Variants in CACNB4 observed in about 807,000 individuals in gnomAD.
The protein encoded by CACNB4 is calcium voltage-gated channel auxiliary subunit beta 4, also known as voltage-dependent L-type calcium channel subunit beta-4.
Under a neutral mutation model 71.2 loss-of-function variants are expected in CACNB4, and 32 were observed. The ratio of observed to expected loss-of-function variants is 0.45; its 90% CI spans 0.34 to 0.60. The LOEUF is 0.60. Ranked by LOEUF, CACNB4 falls within the 20% of genes least tolerant of loss-of-function variation. CACNB4 has a pLI of 0.01. For missense variants in CACNB4, 464 were observed against 647.9 expected, an observed-to-expected ratio of 0.72 and a Z score of 3.08; for synonymous variants, 231 against 236.9, an observed-to-expected ratio of 0.97 and a Z score of 0.23.
rs2099844635 is a variant in CACNB4 at position 151,871,559 on chromosome 2, C to T, written c.599-698G>A. On this transcript the variant is annotated intron_variant, in intron 6 of 13. Coordinates refer to ENST00000539935, the MANE Select transcript of CACNB4 (RefSeq NM_000726.5). ...GATTCTGTGGACATCCAAGCAGCTCCAGTCTAGTTGGGTACAACTCAGAAA... is the reference window on the plus strand; with the variant it reads ...GATTCTGTGGACATCCAAGCAGCTCTAGTCTAGTTGGGTACAACTCAGAAA... 2.6e-5 allele frequency: 4 copies of T among 152,398 alleles called. No homozygotes were observed. The South Asian group carries it at 8.3e-4, about 32-fold the overall frequency. 9.4% of individuals were successfully genotyped at this position (152,398 alleles called of 1,614,324 possible). A position where few individuals can be genotyped will look rare whatever the true frequency, so the allele number is the denominator to read the frequency against.
At chr2:151,915,354 G>A (rs573377890) in intron 2 of CACNB4, among the ~76,000 whole-genome samples, 21 of 152,326 alleles carry the variant, frequency 1.4e-4, no homozygotes, top group East Asian at 1.2e-3. Context: ...CAGCCTGGAC[G>A]TATAGAAATG....
chr2:152,033,951 A>G (rs1175696244), intron 2 of CACNB4, among the ~76,000 whole-genome samples: 1 of 152,184 alleles, frequency 6.6e-6, no homozygotes. Flanking sequence ...AATAGAAGCA[A>G]GAACTTTGTA....
chr2:152,061,541 T>C (rs1471941941), intron 2 of CACNB4, among the ~76,000 whole-genome samples: 1 of 151,874 alleles, frequency 6.6e-6, no homozygotes, highest in Non-Finnish European at 1.5e-5. Context: ...AAAAAGAGCA[T>C]ATTACATCAA....
chr2:151,845,961 C>T (rs918509736), intron 12 of CACNB4, among the ~76,000 whole-genome samples: 1 of 152,098 alleles, frequency 6.6e-6, no homozygotes, highest in African/African-American at 2.4e-5. Flanking sequence ...GAAAAACATG[C>T]CTCTAGCTCA....
intron 2 of CACNB4, among the ~76,000 whole-genome samples, chr2:151,919,621 C>A (rs564506585): frequency 6.6e-6 from 1 of 152,210 alleles, no homozygotes; most frequent in South Asian, 2.1e-4. Context: ...AGAGAGAGAG[C>A]GCCTCCTCAA....
intron 2 of CACNB4, among the ~76,000 whole-genome samples, chr2:151,939,554 A>G (rs562191283): frequency 6.6e-6 from 1 of 152,272 alleles, no homozygotes; most frequent in Admixed American, 6.5e-5. Flanking sequence ...ACCCGTGACC[A>G]TTTCTGTAAT....
chr2:151,984,170 A>G (rs1681197512), intron 2 of CACNB4, among the ~76,000 whole-genome samples: 1 of 152,166 alleles, frequency 6.6e-6, no homozygotes, highest in East Asian at 1.9e-4. Context: ...GAATTGCTTG[A>G]ACATGGAGCA....
chr2:151,875,757 A>G (rs770614), intron 5 of CACNB4, among the ~76,000 whole-genome samples: 39,973 of 51,172 alleles, frequency 0.78, 16,240 homozygotes, highest in Non-Finnish European at 0.85. Flanking sequence ...GGGCAGAGGC[A>G]CCCCTCACCT....
chr2:151,871,086 T>C lies in CACNB4; in HGVS notation c.599-225A>G, dbSNP rs1037271301. 4.8e-5 allele frequency: 27 copies of C among 560,164 alleles called. 1 individual carries two copies. The highest frequency in any genetic ancestry group is 7.6e-5 in the Non-Finnish European group (24 of 315,454). 34.7% of individuals were successfully genotyped at this position (560,164 alleles called of 1,614,324 possible). A position where few individuals can be genotyped will look rare whatever the true frequency, so the allele number is the denominator to read the frequency against. On this transcript the variant is annotated intron_variant, in intron 6 of 13. Transcript: ENST00000539935. The stretch of plus-strand genomic sequence containing the variant: ...CCTCCCTGGTACAAATGACCTTATA[T>C]CCTGATTTCTCACTGGGTGGGAATT...
At chr2:151,976,977 C>G (rs1394312529) in intron 2 of CACNB4, among the ~76,000 whole-genome samples, 1 of 152,180 alleles carries the variant, frequency 6.6e-6, no homozygotes, top group Non-Finnish European at 1.5e-5. Context: ...TTGGTTTTGA[C>G]TTTAACAGTT....
chr2:151,974,358 A>C (rs1384128166), intron 2 of CACNB4, among the ~76,000 whole-genome samples: 2 of 152,204 alleles, frequency 1.3e-5, no homozygotes, highest in African/African-American at 2.4e-5. Flanking sequence ...TCATAAAAAA[A>C]ATCTTTACAC....
chr2:151,983,428 C>T (rs1468099489), intron 2 of CACNB4, among the ~76,000 whole-genome samples: 2 of 152,050 alleles, frequency 1.3e-5, no homozygotes, highest in Non-Finnish European at 2.9e-5. Flanking sequence ...CCCCAAGAGG[C>T]GCAAATGGAA....
intron 2 of CACNB4, among the ~76,000 whole-genome samples, chr2:152,041,723 A>C (rs550797397): frequency 6.6e-6 from 1 of 152,326 alleles, no homozygotes; most frequent in Non-Finnish European, 1.5e-5. Flanking sequence ...GAATTAAAAA[A>C]ACGGCTTTGG....
At chr2:151,957,435 T>G (rs2099868601) in intron 2 of CACNB4, among the ~76,000 whole-genome samples, 1 of 152,056 alleles carries the variant, frequency 6.6e-6, no homozygotes, top group Non-Finnish European at 1.5e-5. Context: ...AGTGCCCATC[T>G]TGAGGCAAGC....
intron 12 of CACNB4, among the ~76,000 whole-genome samples, chr2:151,847,099 C>CAAAAAAAA (rs397766580): frequency 1.3e-5 from 1 of 79,780 alleles, no homozygotes; most frequent in Non-Finnish European, 2.6e-5. Context: ...AAACTGACAC[C>CAAAAAAAA]AAAAAAAAAA....
chr2:151,951,047 C>A (rs1348191285), intron 2 of CACNB4, among the ~76,000 whole-genome samples: 2 of 152,152 alleles, frequency 1.3e-5, no homozygotes, highest in African/African-American at 4.8e-5. Flanking sequence ...TGGGTTCAAG[C>A]AATTCTCCTG....
chr2:151,921,187 T>TA (rs5835389), intron 2 of CACNB4, among the ~76,000 whole-genome samples: 55,271 of 147,334 alleles, frequency 0.38, 11,420 homozygotes, highest in East Asian at 0.62. Context: ...ATAAATAAGT[T>TA]AAAAAAAAAC....
intron 2 of CACNB4, among the ~76,000 whole-genome samples, chr2:151,957,257 C>CATGTATGTGTGTGT (rs1553791573): frequency 7.6e-6 from 1 of 131,788 alleles, no homozygotes; most frequent in Non-Finnish European, 1.6e-5. Flanking sequence ...AGTGGCTGGG[C>CATGTATGTGTGTGT]GTGTGTGTGT....
chr2:152,034,460 C>T (rs1266940042), intron 2 of CACNB4, among the ~76,000 whole-genome samples: 5 of 152,162 alleles, frequency 3.3e-5, no homozygotes, highest in Non-Finnish European at 2.9e-5. Flanking sequence ...AAGGACAACG[C>T]TTATCCTGCA....
Sources: gnomAD v4.1 joint callset for allele counts (sites outside exome capture counted in the v4.1 genomes callset) on GRCh38, gnomAD v4.1.1 for gene constraint, MANE v1.5 for transcripts, NCBI Gene and HGNC (gene_info 2026-07-23, HGNC 2026-07-21) for gene names.